TTLL11: variants seen among roughly 807,000 people sequenced by gnomAD.
TTLL11 encodes the protein tubulin polyglutamylase TTLL11.
TTLL11 carries 42 observed loss-of-function variants against 51.7 expected under a neutral mutation model. The observed-to-expected ratio is 0.81, with a 90% confidence interval of 0.64 to 1.05. TTLL11 has a LOEUF of 1.05. Ranked by LOEUF, TTLL11 falls within the 50% of genes least tolerant of loss-of-function variation. TTLL11 has a pLI of 0.00. For synonymous variants in TTLL11, 381 were observed against 383.5 expected (o/e 0.99, Z 0.08); for missense variants, 799 against 940.4 (o/e 0.85, Z 1.97).
intron 6 of TTLL11, among the ~76,000 whole-genome samples, chr9:121,896,895 A>G (rs1839547923): frequency 6.6e-6 from 1 of 152,186 alleles, no homozygotes; most frequent in Admixed American, 6.5e-5. Flanking sequence ...CCAGCCGCGC[A>G]CTACAGACCA....
intron 6 of TTLL11, among the ~76,000 whole-genome samples, chr9:121,948,078 G>A (rs1841733213): frequency 2.6e-5 from 4 of 152,244 alleles, no homozygotes; most frequent in African/African-American, 9.6e-5. Context: ...ACTATTACAT[G>A]TCAAGCCCTA....
At chr9:121,883,079 T>G (rs1174004878) in intron 6 of TTLL11, among the ~76,000 whole-genome samples, 1 of 152,020 alleles carries the variant, frequency 6.6e-6, no homozygotes, top group Non-Finnish European at 1.5e-5. Context: ...GACAAGAAAA[T>G]GGGCAGGGTG....
intron 4 of TTLL11, among the ~76,000 whole-genome samples, chr9:121,986,585 G>T (rs1344412062): frequency 6.6e-6 from 1 of 152,034 alleles, no homozygotes; most frequent in East Asian, 1.9e-4. Flanking sequence ...GGAACCAAAG[G>T]CCAGGGGTCC....
chr9:121,967,278 G>A (rs111357485), intron 6 of TTLL11, among the ~76,000 whole-genome samples: 1 of 139,482 alleles, frequency 7.2e-6, no homozygotes, highest in Non-Finnish European at 1.5e-5. Context: ...AGGCTGGAGT[G>A]CAGTGGCTCC....
intron 6 of TTLL11, among the ~76,000 whole-genome samples, chr9:121,915,439 T>C (rs1840288283): frequency 1.3e-5 from 2 of 152,348 alleles, no homozygotes; most frequent in South Asian, 2.1e-4. Context: ...TTAGTTCCGC[T>C]TTCTTCTGAC....
chr9:122,012,629 CAGGA>C (rs1471710773), intron 3 of TTLL11, among the ~76,000 whole-genome samples: 1 of 151,338 alleles, frequency 6.6e-6, no homozygotes, highest in East Asian at 1.9e-4. Flanking sequence ...TGTTATTGCA[CAGGA>C]CTGTCTCTGG....
intron 3 of TTLL11, among the ~76,000 whole-genome samples, chr9:122,026,909 TAA>T (rs57149192): frequency 0.012 from 1,468 of 119,880 alleles, 26 homozygotes; most frequent in African/African-American, 0.039. Context: ...AAGTTCATTC[TAA>T]AAAAAAAAAA....
intron 6 of TTLL11, among the ~76,000 whole-genome samples, chr9:121,946,337 G>C (rs1001063361): frequency 6.6e-6 from 1 of 152,090 alleles, no homozygotes. Flanking sequence ...AGAATCCTTT[G>C]CTCCTGGGCC....
intron 6 of TTLL11, among the ~76,000 whole-genome samples, chr9:121,880,005 A>G (rs1340355778): frequency 1.3e-5 from 2 of 151,988 alleles, no homozygotes; most frequent in African/African-American, 4.8e-5. Context: ...GAAAAAGAAG[A>G]AAAAAAATGA....
chr9:122,046,018 T>A (rs1257689118), intron 1 of TTLL11, among the ~76,000 whole-genome samples: 2 of 152,232 alleles, frequency 1.3e-5, no homozygotes, highest in African/African-American at 2.4e-5. Flanking sequence ...GCCACTGAAC[T>A]GTACACCTAA....
chr9:121,838,183 G>A lies in TTLL11; in HGVS notation c.1841-15304C>T, dbSNP rs183615741. ...CCAATTCTGTTTTTCCTTGAGTCTC[G>A]CCCATTTTAATAAATGGTCTCTCCA... On this transcript the variant is annotated intron_variant, in intron 8 of 8. Coordinates refer to ENST00000321582, the MANE Select transcript of TTLL11 (RefSeq NM_001139442.2). 6.5e-4 allele frequency among the ~76,000 whole-genome samples: 98 copies of A among 151,910 alleles called. 2 individuals carry two copies. Among genetic ancestry groups the A allele is most frequent in the Admixed American group, 5.6e-3 (86 of 15,270 alleles).
chr9:121,822,632 G>A lies in TTLL11; in HGVS notation c.2088C>T (p.Thr696=). ...QPAGDNPPPR[T]SCANKLSHPR... ...GATGGGAGAGCTTATTGGCACAGCTGGTGCGGGGTGGGGGGTTGTCCCCTG... is the reference window on the plus strand; with the variant it reads ...GATGGGAGAGCTTATTGGCACAGCTAGTGCGGGGTGGGGGGTTGTCCCCTG... The change falls in exon 9 of 9, where the codon ACC becomes ACT. Residue 696 remains threonine (T), a synonymous_variant. Coordinates refer to ENST00000321582, the MANE Select transcript of TTLL11 (RefSeq NM_001139442.2). The surrounding 1 kb of genome is among the most constrained non-coding windows in gnomAD (Gnocchi z 5.8). The A allele has an allele frequency of 6.7e-7, 1 of 1,500,048 alleles. No homozygotes were observed. 92.9% of individuals were successfully genotyped at this position (1,500,048 alleles called of 1,614,324 possible).
intron 6 of TTLL11, among the ~76,000 whole-genome samples, chr9:121,880,377 G>T (rs1564285899): frequency 6.6e-6 from 1 of 152,084 alleles, no homozygotes; most frequent in Non-Finnish European, 1.5e-5. Context: ...TGATCCACTA[G>T]AAAAACAGCC....
intron 6 of TTLL11, among the ~76,000 whole-genome samples, chr9:121,879,764 T>TGCCGTG: frequency 5.0e-5 from 1 of 20,076 alleles, no homozygotes; most frequent in South Asian, 2.1e-3. Flanking sequence ...GCCCTGAATC[T>TGCCGTG]AGACCAGGCT....
rs1015058504 is a variant in TTLL11, at chr9:121,847,263, G to A, written c.1840+13074C>T. Among the ~76,000 whole-genome samples the A allele has an allele frequency of 2.4e-4, 36 of 146,980 alleles. No individual in the cohort carries two copies. The East Asian group carries it at 7.0e-3, about 29-fold the overall frequency. On this transcript the variant is annotated intron_variant, in intron 8 of 8. Transcript: ENST00000321582. ...CAAATTAATGAATTAAAAATAGGAAGAAAGCAATAGAGAAAATCTATAAAA... is the reference window on the plus strand; with the variant it reads ...CAAATTAATGAATTAAAAATAGGAAAAAAGCAATAGAGAAAATCTATAAAA...
chr9:122,085,357 T>C (rs1288301334), intron 1 of TTLL11, among the ~76,000 whole-genome samples: 2 of 152,200 alleles, frequency 1.3e-5, no homozygotes, highest in Admixed American at 6.5e-5. Context: ...AGAAGTATAA[T>C]TGATTTAAAA....
At chr9:121,915,990 T>TACACAC (rs59554930) in intron 6 of TTLL11, among the ~76,000 whole-genome samples, 5,133 of 134,234 alleles carry the variant, frequency 0.038, 116 homozygotes, top group East Asian at 0.082. Context: ...GACACACACA[T>TACACAC]ACACACACAC....
chr9:121,824,892 T>A (rs145963488), intron 8 of TTLL11, among the ~76,000 whole-genome samples: 57 of 152,292 alleles, frequency 3.7e-4, no homozygotes, highest in African/African-American at 1.3e-3. Context: ...GACCCTGGGA[T>A]CCCAGAGCTA....
intron 2 of TTLL11, among the ~76,000 whole-genome samples, chr9:122,034,737 T>C (rs1844653286): frequency 6.6e-6 from 1 of 152,208 alleles, no homozygotes; most frequent in South Asian, 2.1e-4. Flanking sequence ...GCAGGGTTTC[T>C]AGCTGATCCA....
Sources: gnomAD v4.1 joint callset for allele counts (sites outside exome capture counted in the v4.1 genomes callset) on GRCh38, gnomAD v4.1.1 for gene constraint, Gnocchi (gnomAD v3.1) non-coding constraint, MANE v1.5 for transcripts, NCBI Gene and HGNC (gene_info 2026-07-23, HGNC 2026-07-21) for gene names.